The following CACNA1I variants were observed in gnomAD, a reference collection of about 807,000 sequenced individuals.
CACNA1I encodes calcium voltage-gated channel subunit alpha1 I.
Under a neutral mutation model 201.6 loss-of-function variants are expected in CACNA1I, and 74 were observed. That is an observed-to-expected ratio of 0.37 (90% CI 0.30 to 0.45). The LOEUF (loss-of-function observed/expected upper bound fraction) is 0.45. Among genes scored for constraint, CACNA1I ranks in the 20% least tolerant of loss-of-function variants. The pLI is 1.00. For missense variants in CACNA1I, 2,346 were observed against 3,138.1 expected (o/e 0.75, Z 6.03); for synonymous variants, 1,431 against 1,345.2 (o/e 1.06, Z -1.40).
Position 39,647,918 on chromosome 22 carries a change from C to A in CACNA1I, c.1559C>A (p.Ser520Ter). 1 of 1,613,250 alleles carries A rather than the reference C, an allele frequency of 6.2e-7. No individual in the cohort carries two copies. Among genetic ancestry groups the A allele is most frequent in the South Asian group, 1.1e-5 (1 of 91,064 alleles). ...CCTGCCTCCCCTGGAAATGATCACT[C>A]GGGAAGAGGCAAGCCAGGGCCACGG... is the stretch of plus-strand genomic sequence containing the variant. ...HGPASPGNDH[S>*]GRELCPQHSP... Residue 520 changes from serine to a stop codon, truncating the protein, a stop_gained, in exon 9 of 37, where the codon TCG (serine) becomes TAG (stop). Coordinates refer to ENST00000402142, the MANE Select transcript of CACNA1I (RefSeq NM_021096.4). LOFTEE classifies it high-confidence loss of function.
chr22:39,668,885 C>A (rs575528186), intron 24 of CACNA1I, among the ~76,000 whole-genome samples: 1 of 152,104 alleles, frequency 6.6e-6, no homozygotes, highest in Non-Finnish European at 1.5e-5. Flanking sequence ...CAGAGAGAGC[C>A]GGTGAGGGAC....
At chr22:39,608,438 A>G (rs1238454315) in intron 3 of CACNA1I, among the ~76,000 whole-genome samples, 1 of 151,894 alleles carries the variant, frequency 6.6e-6, no homozygotes. Flanking sequence ...CCATTTCTTT[A>G]AAACATTTTT....
intron 1 of CACNA1I, among the ~76,000 whole-genome samples, chr22:39,589,352 CAT>C (rs1431001675): frequency 2.0e-5 from 3 of 152,156 alleles, no homozygotes; most frequent in Non-Finnish European, 2.9e-5. Context: ...CTAGCGTGGG[CAT>C]ATGTTTGGTT....
Position 39,677,217 on chromosome 22 carries a change from G to T in CACNA1I, c.4855-124G>T, listed in dbSNP as rs1015817639. On this transcript the variant is annotated intron_variant, in intron 29 of 36. Transcript: ENST00000402142. This position sits in a 1 kb window ranked among gnomAD's most constrained non-coding sequence, Gnocchi z 4.8. ...GCAGACGTGGACACACAGCCTGGGG[G>T]AATGTTACAGCTGCTCTGACCCACA... 22 of 643,656 alleles carry T rather than the reference G, an allele frequency of 3.4e-5. No homozygotes were observed. In the African/African-American group the frequency reaches 4.0e-4, roughly 12 times the overall value. The allele number at this position is 643,656 out of a possible 1,614,324, so 39.9% of individuals were successfully genotyped here. A position where few individuals can be genotyped will look rare whatever the true frequency, so the allele number is the denominator to read the frequency against.
chr22:39,679,987 G>T, intron 33 of CACNA1I, 119 bp downstream of exon 33: 1 of 997,818 alleles, frequency 1.0e-6, no homozygotes, highest in Non-Finnish European at 1.5e-6. Flanking sequence ...GGTCAACGTG[G>T]GCACACGTAG....
At chr22:39,680,788 A>T in intron 33 of CACNA1I, 142 bp from the exon 34 acceptor site, 1 of 851,492 alleles carries the variant, frequency 1.2e-6, no homozygotes, top group South Asian at 2.2e-5. Context: ...TGGACACATC[A>T]TCCGTGTCCA....
At chr22:39,674,094 G>A in intron 29 of CACNA1I, 61 bp downstream of exon 29, 1 of 1,487,290 alleles carries the variant, frequency 6.7e-7, no homozygotes, top group Non-Finnish European at 9.3e-7. Flanking sequence ...TGGGCCCTGG[G>A]GCATGAAGGC....
At chr22:39,656,683 G>C (rs1231045451) in intron 10 of CACNA1I, 2 of 517,892 alleles carry the variant, frequency 3.9e-6, no homozygotes, top group Admixed American at 3.9e-5. Flanking sequence ...TTTGGCTGCA[G>C]TCCCCATGTG....
chr22:39,682,015 G>A (rs1045005922), intron 34 of CACNA1I, among the ~76,000 whole-genome samples: 2 of 152,142 alleles, frequency 1.3e-5, no homozygotes, highest in African/African-American at 2.4e-5. Context: ...GGGGTGGCAC[G>A]AGTTCATCTG....
At chr22:39,674,426 G>C (rs1041056663) in intron 29 of CACNA1I, among the ~76,000 whole-genome samples, 3 of 152,300 alleles carry the variant, frequency 2.0e-5, no homozygotes, top group Admixed American at 1.3e-4. Flanking sequence ...CTAGGAAAGG[G>C]GACCTTTGAG....
chr22:39,576,717 G>A (rs534214704), intron 1 of CACNA1I, among the ~76,000 whole-genome samples: 103 of 152,298 alleles, frequency 6.8e-4, no homozygotes, highest in African/African-American at 2.3e-3. Context: ...TTGCGCCCTC[G>A]TCTCCCTGTC....
chr22:39,658,386 A>G, intron 11 of CACNA1I, 83 bp downstream of exon 11: 1 of 1,323,814 alleles, frequency 7.6e-7, no homozygotes, highest in Non-Finnish European at 1.1e-6. Flanking sequence ...TATAAAGGAC[A>G]TAAGATGGCT....
chr22:39,644,713 G>A (rs1455673549), intron 7 of CACNA1I, among the ~76,000 whole-genome samples: 1 of 151,674 alleles, frequency 6.6e-6, no homozygotes, highest in Non-Finnish European at 1.5e-5. Flanking sequence ...TTAGAGACAA[G>A]GTCTGGCTCT....
At chr22:39,571,809 G>A (rs1932193559) in intron 1 of CACNA1I, among the ~76,000 whole-genome samples, 3 of 152,228 alleles carry the variant, frequency 2.0e-5, no homozygotes, top group Admixed American at 6.5e-5. Flanking sequence ...GTGGAATTCT[G>A]AATCTAACAT....
In CACNA1I at chr22:39,668,855, G is replaced by A. The variant is rs556272675; in HGVS notation, c.4194+474G>A. On this transcript the variant is annotated intron_variant, in intron 24 of 36. Coordinates refer to ENST00000402142, the MANE Select transcript of CACNA1I (RefSeq NM_021096.4). The stretch of plus-strand genomic sequence containing the variant: ...GCCCCCGGGTGTGCCATGACAAGGG[G>A]CAAAAGTTTATTCTGAGGGCAGAGA... Among the ~76,000 whole-genome samples the A allele has an allele frequency of 4.6e-5, 7 of 152,304 alleles. No homozygotes were observed. The East Asian group carries it at 1.2e-3, about 25-fold the overall frequency.
At chr22:39,667,334 A>G (rs1935228582) in intron 23 of CACNA1I, among the ~76,000 whole-genome samples, 1 of 152,182 alleles carries the variant, frequency 6.6e-6, no homozygotes, top group Non-Finnish European at 1.5e-5. Flanking sequence ...GATGGTGGGA[A>G]GGAGGGGCCA....
intron 1 of CACNA1I, among the ~76,000 whole-genome samples, chr22:39,596,033 C>T (rs1193187932): frequency 2.0e-5 from 3 of 147,862 alleles, no homozygotes; most frequent in Admixed American, 1.4e-4. Context: ...GTGGGAACAG[C>T]ACATGCAAAG....
At chr22:39,626,838 G>A (rs1007558441) in intron 4 of CACNA1I, among the ~76,000 whole-genome samples, 11 of 152,150 alleles carry the variant, frequency 7.2e-5, no homozygotes, top group Admixed American at 2.0e-4. Flanking sequence ...CTTGAGATCC[G>A]CCTGATAAGT....
At position 39,686,243 on chromosome 22, in the gene CACNA1I, G is replaced by T; in HGVS notation, c.6510G>T (p.Leu2170=). The T allele has an allele frequency of 8.0e-7, 1 of 1,247,822 alleles. No individual in the cohort carries two copies. The highest frequency in any genetic ancestry group is 3.0e-5 in the South Asian group (1 of 33,194). The allele number at this position is 1,247,822 out of a possible 1,614,324, so 77.3% of individuals were successfully genotyped here. ...AAPGRPHAAA[L]AHGLARSPSW... ...CCGGCCGCCCCCACGCCGCCGCCCT[G>T]GCCCACGGCCTGGCCCGGAGCCCCT... Residue 2170 remains leucine, a synonymous_variant, in exon 37 of 37, where the codon CTG becomes CTT. Coordinates refer to ENST00000402142, the MANE Select transcript of CACNA1I (RefSeq NM_021096.4).
Sources: gnomAD v4.1 joint callset for allele counts (sites outside exome capture counted in the v4.1 genomes callset) on GRCh38, gnomAD v4.1.1 for gene constraint, Gnocchi (gnomAD v3.1) non-coding constraint, MANE v1.5 for transcripts, NCBI Gene and HGNC (gene_info 2026-07-23, HGNC 2026-07-21) for gene names.